The following RABGAP1L variants were observed in gnomAD, a reference collection of about 807,000 sequenced individuals.
RABGAP1L encodes the protein RAB GTPase activating protein 1 like, also known as rab GTPase-activating protein 1-like.
A neutral mutation model predicts 137.7 loss-of-function variants in RABGAP1L; 63 were observed. The observed-to-expected ratio is 0.46, with a 90% confidence interval of 0.37 to 0.56. The LOEUF (loss-of-function observed/expected upper bound fraction) is 0.56, where lower values mean the gene tolerates loss of function less well. Among genes scored for constraint, RABGAP1L ranks in the 20% least tolerant of loss-of-function variants. The probability of loss-of-function intolerance (pLI) is 0.00; values close to 1 mark genes in which losing one functional copy is unlikely to be tolerated. For missense variants in RABGAP1L, 1,095 were observed against 1,244.0 expected (o/e 0.88, Z 1.80); for synonymous variants, 431 against 433.7 (o/e 0.99, Z 0.08).
intron 19 of RABGAP1L, among the ~76,000 whole-genome samples, chr1:174,925,885 T>TG (rs1558240098): frequency 2.6e-4 from 25 of 94,612 alleles, no homozygotes; most frequent in Admixed American, 6.2e-4. Context: ...TGTTTTTTTT[T>TG]TGTGTTTTTT....
At chr1:174,179,198 A>G (rs1247866186) in intron 1 of RABGAP1L, among the ~76,000 whole-genome samples, 1 of 152,072 alleles carries the variant, frequency 6.6e-6, no homozygotes, top group Non-Finnish European at 1.5e-5. Context: ...TGAAGCTAAA[A>G]TTTTATCATT....
chr1:174,371,170 T>A, intron 12 of RABGAP1L, 98 bp downstream of exon 12: 1 of 558,260 alleles, frequency 1.8e-6, no homozygotes, highest in East Asian at 3.2e-5. Context: ...TTTAAAGGAT[T>A]AATATTAAAA....
At chr1:174,676,131 C>A (rs1175846054) in intron 14 of RABGAP1L, among the ~76,000 whole-genome samples, 1 of 152,016 alleles carries the variant, frequency 6.6e-6, no homozygotes, top group East Asian at 1.9e-4. Context: ...TAACTGATGA[C>A]CTTATCCATA....
intron 1 of RABGAP1L, among the ~76,000 whole-genome samples, chr1:174,163,329 ATCT>A (rs1355549266): frequency 2.6e-5 from 4 of 152,200 alleles, no homozygotes; most frequent in South Asian, 4.1e-4. Flanking sequence ...ATCTCTGAAC[ATCT>A]TCTTTTTATA....
rs114786292 is a variant in RABGAP1L at position 174,682,844 on chromosome 1, C to T, written c.1825-678C>T. 9.5e-3 allele frequency among the ~76,000 whole-genome samples: 1,453 copies of T among 152,264 alleles called. 25 individuals carry two copies. The highest frequency in any genetic ancestry group is 0.034 in the African/African-American group (1,395 of 41,542). ...ACTCCAGATGGCCTGGTTAGAATGA[C>T]GTTAAAGCTGTGGAATAGCCAAAGC... On this transcript the variant is annotated intron_variant, in intron 14 of 25. Transcript: ENST00000681986.
At chr1:174,576,998 C>T (rs1198948946) in intron 13 of RABGAP1L, among the ~76,000 whole-genome samples, 1 of 151,898 alleles carries the variant, frequency 6.6e-6, no homozygotes, top group Non-Finnish European at 1.5e-5. Flanking sequence ...GCTTGGGCAA[C>T]ATAACCACAT....
At chr1:174,680,376 A>G (rs1677968772) in intron 14 of RABGAP1L, among the ~76,000 whole-genome samples, 1 of 152,206 alleles carries the variant, frequency 6.6e-6, no homozygotes, top group Admixed American at 6.5e-5. Flanking sequence ...TGAGGAGACA[A>G]TGAAAAGGCA....
intron 18 of RABGAP1L, among the ~76,000 whole-genome samples, chr1:174,756,178 T>G (rs1229137305): frequency 6.6e-6 from 1 of 152,182 alleles, no homozygotes; most frequent in Admixed American, 6.5e-5. Context: ...AGGCAGAGTC[T>G]GGTTCTGTTG....
At chr1:174,896,501 T>C (rs1375990389) in intron 19 of RABGAP1L, among the ~76,000 whole-genome samples, 1 of 152,226 alleles carries the variant, frequency 6.6e-6, no homozygotes, top group Non-Finnish European at 1.5e-5. Context: ...GTTTTAGACA[T>C]GAAGTCGTTG....
chr1:174,421,572 T>G (rs954103074), intron 13 of RABGAP1L, among the ~76,000 whole-genome samples: 2 of 152,228 alleles, frequency 1.3e-5, no homozygotes, highest in Non-Finnish European at 2.9e-5. Context: ...GGTTCAGGTC[T>G]GTTGGTGAAA....
At chr1:174,275,982 T>C (rs947893392) in intron 9 of RABGAP1L, 47 bp downstream of exon 9, 24 of 1,475,194 alleles carry the variant, frequency 1.6e-5, no homozygotes, top group Non-Finnish European at 2.3e-5. Flanking sequence ...ACATTTTATA[T>C]TATGAACAAT....
At chr1:174,645,307 A>G (rs1674872565) in intron 14 of RABGAP1L, among the ~76,000 whole-genome samples, 2 of 152,080 alleles carry the variant, frequency 1.3e-5, no homozygotes, top group Non-Finnish European at 2.9e-5. Context: ...TTTCATAGGT[A>G]TAGATGTGCC....
intron 8 of RABGAP1L, among the ~76,000 whole-genome samples, chr1:174,272,783 A>G (rs1016640666): frequency 6.6e-6 from 1 of 152,006 alleles, no homozygotes; most frequent in Non-Finnish European, 1.5e-5. Flanking sequence ...GTACATGATT[A>G]TAACAAGCAT....
chr1:174,548,116 T>C (rs1666170221), intron 13 of RABGAP1L: 2 of 1,527,850 alleles, frequency 1.3e-6, no homozygotes, highest in African/African-American at 1.4e-5. Context: ...GGTTGCAGTT[T>C]AGAAGCAACT....
chr1:174,654,323 A>AC (rs1434023509), intron 14 of RABGAP1L, among the ~76,000 whole-genome samples: 4 of 152,110 alleles, frequency 2.6e-5, no homozygotes, highest in Non-Finnish European at 4.4e-5. Context: ...TCTGTTGGAG[A>AC]CCTAATGTGT....
At chr1:174,533,329 T>C (rs1261552170) in intron 13 of RABGAP1L, among the ~76,000 whole-genome samples, 8 of 152,234 alleles carry the variant, frequency 5.3e-5, no homozygotes, top group African/African-American at 1.4e-4. Context: ...ACCACTGTTT[T>C]AAAGTTCATA....
intron 13 of RABGAP1L, among the ~76,000 whole-genome samples, chr1:174,415,922 T>C (rs1297712958): frequency 6.6e-6 from 1 of 151,662 alleles, no homozygotes; most frequent in African/African-American, 2.4e-5. Flanking sequence ...AAAATGCTTA[T>C]TGATCTTTAT....
intron 1 of RABGAP1L, among the ~76,000 whole-genome samples, chr1:174,198,844 C>T (rs572238438): frequency 1.2e-4 from 18 of 152,334 alleles, no homozygotes; most frequent in African/African-American, 3.4e-4. Context: ...CATGGTGGCT[C>T]ACGCCTATAA....
At chr1:174,986,407 A>G (rs576986159) in intron 24 of RABGAP1L, among the ~76,000 whole-genome samples, 87 of 152,326 alleles carry the variant, frequency 5.7e-4, no homozygotes, top group African/African-American at 1.9e-3. Context: ...TTCTGCTTAC[A>G]TAGCAGCTTT....
Sources: gnomAD v4.1 joint callset for allele counts (sites outside exome capture counted in the v4.1 genomes callset) on GRCh38, gnomAD v4.1.1 for gene constraint, MANE v1.5 for transcripts, NCBI Gene and HGNC (gene_info 2026-07-23, HGNC 2026-07-21) for gene names.